HLCS: variants seen among roughly 807,000 people sequenced by gnomAD.
The protein encoded by HLCS is biotin--protein ligase.
HLCS carries 53 observed loss-of-function variants against 75.0 expected under a neutral mutation model. The ratio of observed to expected loss-of-function variants is 0.71; its 90% confidence interval spans 0.57 to 0.89. The LOEUF (loss-of-function observed/expected upper bound fraction) is 0.89, where lower values mean the gene tolerates loss of function less well. Among genes scored for constraint, HLCS ranks in the 40% least tolerant of loss-of-function variants. The probability of loss-of-function intolerance (pLI) is 0.00; values close to 1 mark genes in which losing one functional copy is unlikely to be tolerated. For synonymous variants in HLCS, 431 were observed against 428.6 expected (o/e 1.01, Z -0.07); for missense variants, 966 against 1,074.0 (o/e 0.90, Z 1.41).
chr21:36,971,546 C>T (rs1021797316), upstream of HLCS, among the ~76,000 whole-genome samples: 6 of 151,854 alleles, frequency 4.0e-5, no homozygotes, highest in South Asian at 2.1e-4. Flanking sequence ...TTTCAAGAGC[C>T]GGCTGGGCGC....
chr21:36,956,466 C>G (rs1415363538), intron 2 of HLCS, among the ~76,000 whole-genome samples: 30 of 152,176 alleles, frequency 2.0e-4, no homozygotes, highest in Non-Finnish European at 1.5e-4. Flanking sequence ...TGGTGGCTCA[C>G]ACTTGTAATC....
rs181813994 is a variant in HLCS at position 36,857,823 on chromosome 21, T to C, written c.1892+39037A>G. ...GTTGTTTTTTGAGATGGAGTCTCAC[T>C]CTGTTACCCAGGCTGAAGTGCAGTG... On this transcript the variant is annotated intron_variant, in intron 6 of 10. Transcript: ENST00000674895. Among the ~76,000 whole-genome samples, 572 of 152,292 alleles carry C rather than the reference T, an allele frequency of 3.8e-3. 6 individuals are homozygous for C. The highest frequency in any genetic ancestry group is 0.013 in the African/African-American group (536 of 41,570).
chr21:36,974,775 G>A (rs2068892360), intron 1 of HLCS: 1 of 152,228 alleles, frequency 6.6e-6, no homozygotes, highest in South Asian at 2.1e-4. Flanking sequence ...AAGCCAAGGA[G>A]AGAGGCCTCA....
rs538033445 is a variant in HLCS at position 36,787,021 on chromosome 21, GC to G, written c.1893-19737del. On this transcript the variant is annotated intron_variant, in intron 6 of 10. Transcript: ENST00000674895. ...GATGCGACCATGTAGGGAGAATGAA[GC>G]TGGCCTTCACAGTTCATAATTCCAT... 8.2e-4 allele frequency among the ~76,000 whole-genome samples: 125 copies of G among 152,334 alleles called. 1 individual carries two copies. The highest frequency in any genetic ancestry group is 5.9e-3 in the Admixed American group (90 of 15,306).
At chr21:36,796,279 G>A (rs545989003) in intron 6 of HLCS, among the ~76,000 whole-genome samples, 31 of 152,274 alleles carry the variant, frequency 2.0e-4, no homozygotes, top group Non-Finnish European at 3.4e-4. Context: ...AGAAATGCAA[G>A]GATGGTTTAA....
At chr21:36,858,646 G>A (rs2063281094) in intron 6 of HLCS, among the ~76,000 whole-genome samples, 1 of 152,176 alleles carries the variant, frequency 6.6e-6, no homozygotes, top group African/African-American at 2.4e-5. Flanking sequence ...AAGGGCTGAG[G>A]AGGCCTTGAA....
At chr21:36,840,570 TATG>T (rs1474078388) in intron 6 of HLCS, among the ~76,000 whole-genome samples, 1 of 152,182 alleles carries the variant, frequency 6.6e-6, no homozygotes, top group African/African-American at 2.4e-5. Context: ...AATCTTCCTA[TATG>T]ATGAGACTAA....
intron 4 of HLCS, among the ~76,000 whole-genome samples, chr21:36,933,811 G>A (rs1040231629): frequency 6.6e-6 from 1 of 152,176 alleles, no homozygotes; most frequent in Non-Finnish European, 1.5e-5. Context: ...TGGACTCACT[G>A]GTCAGGGTGA....
At chr21:36,835,910 C>A (rs1202981387) in intron 6 of HLCS, among the ~76,000 whole-genome samples, 2 of 151,994 alleles carry the variant, frequency 1.3e-5, no homozygotes, top group African/African-American at 2.4e-5. Flanking sequence ...GACCTGATTC[C>A]CATTTTTAAA....
At chr21:36,960,755 G>A (rs371004414) in intron 2 of HLCS, among the ~76,000 whole-genome samples, 81 of 152,304 alleles carry the variant, frequency 5.3e-4, no homozygotes, top group Non-Finnish European at 7.8e-4. Context: ...GAACAATGGC[G>A]GGTGAGGACC....
intron 6 of HLCS, among the ~76,000 whole-genome samples, chr21:36,847,154 T>C (rs2062826439): frequency 6.6e-6 from 1 of 152,218 alleles, no homozygotes; most frequent in Admixed American, 6.5e-5. Context: ...CATCATTTAT[T>C]ATAAAGCTTC....
At chr21:36,945,351 T>G (rs970219177) in intron 2 of HLCS, among the ~76,000 whole-genome samples, 1 of 152,146 alleles carries the variant, frequency 6.6e-6, no homozygotes, top group African/African-American at 2.4e-5. Flanking sequence ...AAAGCTTGTA[T>G]GCAGATGTTC....
chr21:36,921,604 A>G (rs2066171368), intron 5 of HLCS, among the ~76,000 whole-genome samples: 1 of 152,204 alleles, frequency 6.6e-6, no homozygotes, highest in Non-Finnish European at 1.5e-5. Context: ...GTCCTATGAT[A>G]CGCATGTTCA....
intron 6 of HLCS, among the ~76,000 whole-genome samples, chr21:36,811,588 G>A (rs987477113): frequency 6.6e-6 from 1 of 152,246 alleles, no homozygotes; most frequent in African/African-American, 2.4e-5. Flanking sequence ...GCTTGATACA[G>A]TGGAACTTGG....
chr21:36,769,771 G>A (rs898022743), intron 6 of HLCS, among the ~76,000 whole-genome samples: 1 of 152,220 alleles, frequency 6.6e-6, no homozygotes, highest in African/African-American at 2.4e-5. Context: ...CGGAGGCTCT[G>A]CCAATGGAAC....
At chr21:36,759,291 C>T in intron 9 of HLCS, 1 of 440,232 alleles carries the variant, frequency 2.3e-6, no homozygotes, top group South Asian at 1.7e-5. Flanking sequence ...CCGCCTTGAC[C>T]AGCATGGAGC....
At chr21:36,821,905 C>G (rs1315448703) in intron 6 of HLCS, among the ~76,000 whole-genome samples, 2 of 151,570 alleles carry the variant, frequency 1.3e-5, no homozygotes, top group African/African-American at 4.9e-5. Context: ...GAGAAGAAGA[C>G]GGGAGGGGAG....
intron 6 of HLCS, among the ~76,000 whole-genome samples, chr21:36,781,553 A>G (rs556736016): frequency 6.6e-5 from 10 of 152,252 alleles, no homozygotes; most frequent in African/African-American, 2.4e-4. Context: ...GTATATAAAA[A>G]CTATTGATTT....
At chr21:36,755,840 G>A (rs530928982) in intron 10 of HLCS, among the ~76,000 whole-genome samples, 24 of 152,346 alleles carry the variant, frequency 1.6e-4, no homozygotes, top group African/African-American at 5.0e-4. Context: ...AGGGGTTTCT[G>A]ATGCAGTAGC....
Sources: gnomAD v4.1 joint callset for allele counts (sites outside exome capture counted in the v4.1 genomes callset) on GRCh38, gnomAD v4.1.1 for gene constraint, MANE v1.5 for transcripts, NCBI Gene and HGNC (gene_info 2026-07-23, HGNC 2026-07-21) for gene names.